Variants in TASOR observed in about 807,000 individuals in gnomAD.
TASOR encodes the protein transcription activation suppressor.
A neutral mutation model predicts 178.6 loss-of-function variants in TASOR; 53 were observed. The ratio of observed to expected loss-of-function variants is 0.30; its 90% CI spans 0.24 to 0.37. TASOR has a LOEUF of 0.37. Ranked by LOEUF, TASOR falls within the 10% of genes least tolerant of loss-of-function variation. TASOR has a pLI of 1.00. For missense variants in TASOR, 1,815 were observed against 1,971.4 expected, an observed-to-expected ratio of 0.92 and a Z score of 1.50; for synonymous variants, 713 against 696.2, an observed-to-expected ratio of 1.02 and a Z score of -0.38.
rs370427287 is a variant in TASOR at position 56,621,159 on chromosome 3, C to CAA, written c.*1876_*1877dup. The CAA allele has an allele frequency of 0.095, 13,562 of 142,510 alleles. 1,658 individuals are homozygous for CAA. Among genetic ancestry groups the CAA allele is most frequent in the African/African-American group, 0.3 (11,350 of 38,324 alleles). The allele number at this position is 142,510 out of a possible 1,614,324, so 8.8% of individuals were successfully genotyped here. On this transcript the variant is annotated 3_prime_UTR_variant, in exon 24 of 24. Coordinates refer to ENST00000683822, the MANE Select transcript of TASOR (RefSeq NM_001365635.2). ...GGGCGACAGAGCGAGACTCCATCTC[C>CAA]AAAAAAAAACAAAACAACAACAACA...
In TASOR at chr3:56,627,106, C is replaced by T. The variant is rs1578185107; in HGVS notation, c.4070G>A (p.Ser1357Asn). ...CCATTGCCATTTTCCTTCTGGAGTA[C>T]TAAGTTCCTCAAGGAATGTCAAAAA... The part of the protein sequence containing the change: ...KNFLTFLEEL[S>N]TPEGKWQWKV... The change falls in exon 21 of 24, where the codon AGT (serine) becomes AAT (asparagine). Residue 1357 changes from serine (S) to asparagine (N), a missense_variant. This residue lies in a region of TASOR where 134 missense variants were observed against 195.2 expected (regional missense o/e 0.69). Transcript: ENST00000683822. 6.2e-7 allele frequency: 1 copy of T among 1,612,382 alleles called. No homozygotes were observed. The highest frequency in any genetic ancestry group is 8.5e-7 in the Non-Finnish European group (1 of 1,179,270).
intron 20 of TASOR, 66 bp from the exon 21 acceptor site, chr3:56,627,211 GA>G: frequency 1.0e-6 from 1 of 979,514 alleles, no homozygotes; most frequent in Non-Finnish European, 1.6e-6. Context: ...AATTATGAAA[GA>G]AGTGTTTTTT....
chr3:56,671,106 C>T (rs549120869), intron 3 of TASOR, among the ~76,000 whole-genome samples: 3 of 151,276 alleles, frequency 2.0e-5, no homozygotes, highest in African/African-American at 4.9e-5. Context: ...TTTGGGAGGC[C>T]GAGGTGGGTG....
chr3:56,682,675 C>T lies in TASOR; in HGVS notation c.331+1G>A. ...GGGTTGAGAAGAAGGGGAGGCACCA[C>T]CTTTCTTTTCTCTGCTCTTCCTGGG... On this transcript the variant is annotated splice_donor_variant, in intron 1 of 23. Transcript: ENST00000683822. LOFTEE classifies it high-confidence loss of function. 6.8e-7 allele frequency: 1 copy of T among 1,462,482 alleles called. No homozygotes were observed. Among genetic ancestry groups the T allele is most frequent in the Non-Finnish European group, 9.1e-7 (1 of 1,104,066 alleles). The allele number at this position is 1,462,482 out of a possible 1,614,324, so 90.6% of individuals were successfully genotyped here. A position where few individuals can be genotyped will look rare whatever the true frequency, so the allele number is the denominator to read the frequency against.
At chr3:56,657,045 G>GAT (rs906169722) in intron 11 of TASOR, among the ~76,000 whole-genome samples, 1 of 150,594 alleles carries the variant, frequency 6.6e-6, no homozygotes, top group African/African-American at 2.4e-5. Context: ...GAAAGGGCGA[G>GAT]ATGGCCAGGC....
intron 23 of TASOR, chr3:56,623,979 C>T: frequency 4.5e-6 from 3 of 666,392 alleles, no homozygotes; most frequent in Non-Finnish European, 7.3e-6. Flanking sequence ...TCATCAAAAA[C>T]AAAAGTACAT....
chr3:56,666,358 A>T lies in TASOR; in HGVS notation c.924T>A (p.Asp308Glu). Residue 308 changes from aspartate (D) to glutamate (E), a missense_variant, in exon 7 of 24, where the codon GAT becomes GAA. Asp to Glu is a conservative substitution (Grantham distance 45). Transcript: ENST00000683822. ...CGTGTCTTGGTCTTCGCCTTAGCTC[A>T]TCAAAGCCATACTCATAAAAATAAT... ...TQYYFYEYGF[D>E]ELRRRPRHVC... 6.5e-7 allele frequency: 1 copy of T among 1,532,738 alleles called. No individual in the cohort carries two copies. The highest frequency in any genetic ancestry group is 8.8e-7 in the Non-Finnish European group (1 of 1,139,946). The allele number at this position is 1,532,738 out of a possible 1,614,324, so 94.9% of individuals were successfully genotyped here. A position where few individuals can be genotyped will look rare whatever the true frequency, so the allele number is the denominator to read the frequency against.
chr3:56,673,263 T>C (rs996387615), intron 2 of TASOR, among the ~76,000 whole-genome samples: 4 of 152,034 alleles, frequency 2.6e-5, no homozygotes, highest in African/African-American at 9.7e-5. Flanking sequence ...AGAGATGTCA[T>C]TTAAAACTTG....
intron 6 of TASOR, among the ~76,000 whole-genome samples, chr3:56,667,296 G>C (rs954397397): frequency 1.3e-5 from 2 of 152,052 alleles, no homozygotes; most frequent in African/African-American, 4.8e-5. Flanking sequence ...CATTTCCAGG[G>C]AAGTTAACAT....
intron 13 of TASOR, among the ~76,000 whole-genome samples, 191 bp downstream of exon 13, chr3:56,648,631 C>CAAAAAAAAAAAAA (rs56218279): frequency 8.3e-5 from 7 of 84,554 alleles, no homozygotes; most frequent in Middle Eastern, 7.0e-3. Flanking sequence ...AACTCTGTAT[C>CAAAAAAAAAAAAA]AAAAAAAAAA....
chr3:56,673,838 G>A (rs1194031300), intron 1 of TASOR, 113 bp from the exon 2 acceptor site: 1 of 884,786 alleles, frequency 1.1e-6, no homozygotes. Context: ...AAGGCATCAA[G>A]GCTATCTTAC....
chr3:56,647,167 C>T lies in TASOR; in HGVS notation c.1570G>A (p.Val524Ile), dbSNP rs770138715. The stretch of plus-strand genomic sequence containing the variant: ...TGTAAAAACTGAGCTATTTTTAATA[C>T]ATCTGGCATGCTCTCATGCCTCTCC... ...PQERHESMPD[V>I]LKIAQFLQFS... The change falls in exon 14 of 24, where the codon GTA (valine) becomes ATA (isoleucine). Residue 524 changes from valine to isoleucine, a missense_variant. This residue lies in a region of TASOR where 504 missense variants were observed against 645.3 expected (regional missense o/e 0.78). Coordinates refer to ENST00000683822, the MANE Select transcript of TASOR (RefSeq NM_001365635.2). 1.4e-5 allele frequency: 23 copies of T among 1,595,672 alleles called. No homozygotes were observed. Among genetic ancestry groups the T allele is most frequent in the Non-Finnish European group, 1.9e-5 (22 of 1,174,958 alleles).
intron 1 of TASOR, among the ~76,000 whole-genome samples, chr3:56,678,944 A>G (rs780631033): frequency 6.6e-6 from 1 of 151,406 alleles, no homozygotes; most frequent in African/African-American, 2.4e-5. Flanking sequence ...CCTAGGATGC[A>G]GAGGCTGCAG....
intron 3 of TASOR, 108 bp downstream of exon 3, chr3:56,671,492 A>G (rs908172083): frequency 8.3e-6 from 6 of 721,486 alleles, no homozygotes; most frequent in South Asian, 6.6e-5. Context: ...TTCCACTTAT[A>G]TATCAAAAAA....
rs11300845 is a variant in TASOR, at chr3:56,670,940, C to CAAA, written c.570+657_570+659dup. Among the ~76,000 whole-genome samples the CAAA allele has an allele frequency of 3.5e-4, 19 of 54,166 alleles. 1 individual carries two copies. Among genetic ancestry groups the CAAA allele is most frequent in the African/African-American group, 5.2e-4 (7 of 13,570 alleles). The allele number at this position is 54,166 out of a possible 152,430, so 35.5% of individuals were successfully genotyped here. A position where few individuals can be genotyped will look rare whatever the true frequency, so the allele number is the denominator to read the frequency against. On this transcript the variant is annotated intron_variant, in intron 3 of 23. Coordinates refer to ENST00000683822, the MANE Select transcript of TASOR (RefSeq NM_001365635.2). The stretch of plus-strand genomic sequence containing the variant: ...TGAGCAACAGAGTGAGACTCCATCT[C>CAAA]AAAAAAAAAAAAAAAAAAAAAAGGA...
intron 14 of TASOR, 101 bp from the exon 15 acceptor site, chr3:56,641,853 C>A: frequency 3.3e-6 from 4 of 1,216,384 alleles, no homozygotes; most frequent in Non-Finnish European, 4.5e-6. Context: ...CATTTATGGT[C>A]AGGAACTCAA....
At chr3:56,657,804 A>G (rs998780044) in intron 11 of TASOR, among the ~76,000 whole-genome samples, 1 of 152,236 alleles carries the variant, frequency 6.6e-6, no homozygotes, top group African/African-American at 2.4e-5. Context: ...AAAGAGTTGG[A>G]GTTAATATTC....
chr3:56,623,416 G>A lies in TASOR; in HGVS notation c.4634C>T (p.Thr1545Ile), dbSNP rs752672265. Residue 1545 changes from threonine to isoleucine, a missense_variant, in exon 24 of 24, where the codon ACT becomes ATT. Thr to Ile is a moderately conservative substitution (Grantham distance 89). Transcript: ENST00000683822. ...GSRGTDQKKN[T>I]QIELQSSPDV... is the part of the protein sequence containing the mutation. Reference sequence around the variant, plus strand: ...AGGAGACGATTGCAACTCAATTTGAGTATTCTTTTTTTGATCTGTTCCACG... The same window carrying A: ...AGGAGACGATTGCAACTCAATTTGAATATTCTTTTTTTGATCTGTTCCACG... 5.1e-5 allele frequency: 83 copies of A among 1,613,540 alleles called. No homozygotes were observed. The highest frequency in any genetic ancestry group is 6.7e-5 in the Non-Finnish European group (79 of 1,179,962).
intron 1 of TASOR, among the ~76,000 whole-genome samples, chr3:56,680,897 A>T (rs2031724534): frequency 6.6e-6 from 1 of 152,062 alleles, no homozygotes; most frequent in South Asian, 2.1e-4. Context: ...CTAGATTTAT[A>T]TTTCCTAATC....
Sources: gnomAD v4.1 joint callset for allele counts (sites outside exome capture counted in the v4.1 genomes callset) on GRCh38, gnomAD v4.1.1 for gene constraint, gnomAD v4.1.1 regional missense constraint, MANE v1.5 for transcripts, NCBI Gene and HGNC (gene_info 2026-07-23, HGNC 2026-07-21) for gene names.